Variants in NLRP2 observed in about 807,000 individuals in gnomAD.
The protein encoded by NLRP2 is NLR family pyrin domain containing 2.
A neutral mutation model predicts 97.2 loss-of-function variants in NLRP2; 107 were observed. The ratio of observed to expected loss-of-function variants is 1.10; its 90% CI spans 0.94 to 1.29. The LOEUF is 1.29. Among genes scored for constraint, NLRP2 ranks in the 50% most tolerant of loss-of-function variants. The pLI, the probability that NLRP2 is intolerant of heterozygous loss-of-function variation, is 0.00. For synonymous variants in NLRP2, 663 were observed against 551.5 expected, an observed-to-expected ratio of 1.20 and a Z score of -2.83; for missense variants, 1,495 against 1,330.3, an observed-to-expected ratio of 1.12 and a Z score of -1.93.
intron 1 of NLRP2, among the ~76,000 whole-genome samples, chr19:54,968,569 TC>T (rs1458541628): frequency 6.6e-6 from 1 of 150,856 alleles, no homozygotes; most frequent in East Asian, 2.0e-4. Flanking sequence ...CTCCAAGCAA[TC>T]CTCCCACCTT....
chr19:55,000,927 A>G lies in NLRP2; in HGVS notation c.*29A>G. ...CCCCCGAGTCATTCATTCTCCATGA[A>G]GTCATCGATTTTCCAGGTGTTGGTG... On this transcript the variant is annotated 3_prime_UTR_variant, in exon 13 of 13. Coordinates refer to ENST00000448584, the MANE Select transcript of NLRP2 (RefSeq NM_017852.5). The G allele has an allele frequency of 6.2e-7, 1 of 1,612,002 alleles. No homozygotes were observed. The highest frequency in any genetic ancestry group is 1.1e-5 in the South Asian group (1 of 91,036).
At chr19:54,997,112 T>G (rs2072871286) in intron 11 of NLRP2, among the ~76,000 whole-genome samples, 1 of 152,150 alleles carries the variant, frequency 6.6e-6, no homozygotes. Flanking sequence ...TTTACCATGT[T>G]AGGTTGGTCT....
At chr19:54,985,873 C>A (rs1377830649) in intron 7 of NLRP2, among the ~76,000 whole-genome samples, 1 of 151,796 alleles carries the variant, frequency 6.6e-6, no homozygotes, top group African/African-American at 2.4e-5. Flanking sequence ...TGGCAGGTGC[C>A]TATAATCCCA....
At chr19:54,978,392 G>A (rs976889328) in intron 4 of NLRP2, among the ~76,000 whole-genome samples, 6 of 151,638 alleles carry the variant, frequency 4.0e-5, no homozygotes, top group South Asian at 4.2e-4. Flanking sequence ...ATGCCACCAC[G>A]CCCAGCTAAT....
intron 12 of NLRP2, among the ~76,000 whole-genome samples, chr19:54,999,495 TGCC>T (rs1439888701): frequency 1.3e-5 from 2 of 152,130 alleles, no homozygotes; most frequent in Non-Finnish European, 2.9e-5. Flanking sequence ...GAGTAGAAGT[TGCC>T]AAAGTGGGTG....
chr19:54,975,794 C>T (rs183603167), intron 3 of NLRP2, among the ~76,000 whole-genome samples: 111 of 151,766 alleles, frequency 7.3e-4, no homozygotes, highest in Middle Eastern at 6.8e-3. Context: ...TGTGTTGCTC[C>T]GGCTTGATTG....
Position 54,990,594 on chromosome 19 carries a change from A to G in NLRP2, c.2630A>G (p.Lys877Arg). The change falls in exon 10 of 13, where the codon AAG becomes AGG. Residue 877 changes from lysine (K) to arginine (R), a missense_variant. By Grantham distance (26) the Lys-to-Arg change is conservative. Transcript: ENST00000448584. Reference sequence around the variant, plus strand: ...GAGCTGACACACCTGTGCTTGGCCAAGAACCCCATTGGGAATACAGGGGTG... The same window carrying G: ...GAGCTGACACACCTGTGCTTGGCCAGGAACCCCATTGGGAATACAGGGGTG... ...SRELTHLCLA[K>R]NPIGNTGVKF... 2 of 1,614,198 alleles carry G rather than the reference A, an allele frequency of 1.2e-6. No individual in the cohort carries two copies. Among genetic ancestry groups the G allele is most frequent in the Non-Finnish European group, 1.7e-6 (2 of 1,180,028 alleles).
chr19:54,975,106 G>GTTTTTTTTTTTTTTTTTTT lies in NLRP2; in HGVS notation c.325+581_325+599dup, dbSNP rs558518586. On this transcript the variant is annotated intron_variant, in intron 3 of 12. Coordinates refer to ENST00000448584, the MANE Select transcript of NLRP2 (RefSeq NM_017852.5). ...ATGAGCCACCACCACACCCGGTTTT[G>GTTTTTTTTTTTTTTTTTTT]TTTTTTTTTTTTTTTTTTTTTTTTT... 3.6e-4 allele frequency among the ~76,000 whole-genome samples: 21 copies of GTTTTTTTTTTTTTTTTTTT among 58,706 alleles called. 1 individual carries two copies. Among genetic ancestry groups the GTTTTTTTTTTTTTTTTTTT allele is most frequent in the Non-Finnish European group, 5.2e-4 (15 of 28,946 alleles). 38.5% of individuals were successfully genotyped at this position (58,706 alleles called of 152,430 possible).
At chr19:54,973,886 A>T (rs1432953570) in intron 2 of NLRP2, 1 of 671,200 alleles carries the variant, frequency 1.5e-6, no homozygotes, top group Non-Finnish European at 2.8e-6. Context: ...CCACAAAGTG[A>T]CACAAGGCAA....
At chr19:54,991,070 T>A (rs2146509443) in intron 10 of NLRP2, 1 of 246,720 alleles carries the variant, frequency 4.1e-6, no homozygotes, top group East Asian at 9.2e-5. Flanking sequence ...TCTCTTAATC[T>A]GTGTTCTTAG....
rs576877736 is a variant in NLRP2 at position 54,970,309 on chromosome 19, G to A, written c.280+14G>A. The A allele has an allele frequency of 2.5e-6, 4 of 1,613,950 alleles. No homozygotes were observed. The highest frequency in any genetic ancestry group is 2.7e-5 in the African/African-American group (2 of 75,038). ...ATGAAGTCAGAGGTGAGTGGAAATC[G>A]GTCCACACTGTGTCCTAGGAGGAAG... On this transcript the variant is annotated intron_variant, in intron 2 of 12. Coordinates refer to ENST00000448584, the MANE Select transcript of NLRP2 (RefSeq NM_017852.5).
At chr19:54,990,326 G>A (rs181114293) in intron 9 of NLRP2, 134 bp downstream of exon 9, 16 of 1,138,202 alleles carry the variant, frequency 1.4e-5, no homozygotes, top group African/African-American at 4.6e-5. Flanking sequence ...GATCCAGGCC[G>A]ATGGCCTGTG....
At chr19:54,974,322 C>G (rs970790594) in intron 2 of NLRP2, 178 bp from the exon 3 acceptor site, 1 of 659,014 alleles carries the variant, frequency 1.5e-6, no homozygotes, top group African/African-American at 1.8e-5. Context: ...CCACTCCAGC[C>G]TGGGCAACAG....
At chr19:54,994,227 TCA>T in intron 10 of NLRP2, 40 bp from the exon 11 acceptor site, 25 of 1,609,280 alleles carry the variant, frequency 1.6e-5, no homozygotes, top group Non-Finnish European at 2.1e-5. Flanking sequence ...CAGTGAGAAC[TCA>T]CAGGTTCGGG....
rs1183360059 is a variant in NLRP2, at chr19:54,986,216, CTG to C, written c.2269_2270del (p.Val757AsnfsTer9). On this transcript the variant is annotated frameshift_variant, in exon 8 of 13. Transcript: ENST00000448584. LOFTEE classifies it high-confidence loss of function. ...TGCCTAGCTCTTCGAGGTCACAAGACTGTAACGTATCTGACCCTTCAAGGCAA... is the reference window on the plus strand; with the variant it reads ...TGCCTAGCTCTTCGAGGTCACAAGACTAACGTATCTGACCCTTCAAGGCAA... 19 of 1,612,426 alleles carry C rather than the reference CTG, an allele frequency of 1.2e-5. No individual in the cohort carries two copies. The highest frequency in any genetic ancestry group is 9.3e-5 in the African/African-American group (7 of 74,898).
At chr19:54,999,794 G>T (rs1355435910) in intron 12 of NLRP2, among the ~76,000 whole-genome samples, 1 of 151,040 alleles carries the variant, frequency 6.6e-6, no homozygotes, top group East Asian at 2.0e-4. Context: ...TGGAGTGCAG[G>T]GGCCCGATCT....
At chr19:54,999,258 C>T (rs2073049448) in intron 12 of NLRP2, among the ~76,000 whole-genome samples, 1 of 152,204 alleles carries the variant, frequency 6.6e-6, no homozygotes, top group Admixed American at 6.5e-5. Flanking sequence ...AGAGGTTCTC[C>T]TCCCTCAGCC....
intron 4 of NLRP2, among the ~76,000 whole-genome samples, chr19:54,981,052 A>G (rs754521033): frequency 1.3e-4 from 19 of 151,904 alleles, no homozygotes; most frequent in Non-Finnish European, 2.6e-4. Context: ...CGGAGGTTGC[A>G]GTGAGCTGAG....
chr19:54,997,798 C>A (rs1333680299), intron 12 of NLRP2, among the ~76,000 whole-genome samples: 3 of 150,764 alleles, frequency 2.0e-5, no homozygotes, highest in East Asian at 2.0e-4. Flanking sequence ...TCACTATGTT[C>A]CCCAGGCTGG....
Sources: allele counts gnomAD v4.1 joint callset (sites outside exome capture counted in the v4.1 genomes callset), GRCh38; gene constraint gnomAD v4.1.1; transcripts MANE v1.5; gene names NCBI Gene and HGNC (gene_info 2026-07-23, HGNC 2026-07-21).